The following GALNT15 variants were observed in gnomAD, a reference collection of about 807,000 sequenced individuals.
GALNT15 encodes the protein polypeptide N-acetylgalactosaminyltransferase 15.
GALNT15 carries 67 observed loss-of-function variants against 66.8 expected under a neutral mutation model. The observed-to-expected ratio is 1.00, with a 90% CI of 0.82 to 1.23. The LOEUF (loss-of-function observed/expected upper bound fraction) is 1.23. GALNT15 is among the 50% of genes most tolerant of loss of function. The probability of loss-of-function intolerance (pLI) is 0.00; values close to 1 mark genes in which losing one functional copy is unlikely to be tolerated. For synonymous variants in GALNT15, 313 were observed against 311.5 expected (o/e 1.00, Z -0.05); for missense variants, 827 against 804.3 (o/e 1.03, Z -0.34).
At chr3:16,213,515 T>A (rs1311096316) in intron 6 of GALNT15, among the ~76,000 whole-genome samples, 1 of 150,936 alleles carries the variant, frequency 6.6e-6, no homozygotes, top group Non-Finnish European at 1.5e-5. Flanking sequence ...TTTTAAACAT[T>A]TAAATGTCCA....
chr3:16,234,053 C>G (rs917670592), downstream of GALNT15, among the ~76,000 whole-genome samples: 2 of 152,150 alleles, frequency 1.3e-5, no homozygotes, highest in African/African-American at 4.8e-5. Flanking sequence ...CTGAAAACAG[C>G]CACATCTAAT....
In GALNT15 at chr3:16,175,695, G is replaced by C. The variant is rs746236023; in HGVS notation, c.539+5G>C. 6.4e-7 allele frequency: 1 copy of C among 1,560,106 alleles called. No homozygotes were observed. Among genetic ancestry groups the C allele is most frequent in the South Asian group, 1.2e-5 (1 of 84,796 alleles). ...GCCCGAGGTGCGGCACCCACTGTAAGTAAGGCCCTTGTTTTCCCTTCCCTG... is the reference window on the plus strand; with the variant it reads ...GCCCGAGGTGCGGCACCCACTGTAACTAAGGCCCTTGTTTTCCCTTCCCTG... On this transcript the variant is annotated splice_donor_5th_base_variant and intron_variant, in intron 1 of 9. Coordinates refer to ENST00000339732, the MANE Select transcript of GALNT15 (RefSeq NM_054110.5). This position sits in a 1 kb window ranked among gnomAD's most constrained non-coding sequence, Gnocchi z 5.6.
At chr3:16,201,911 G>T (rs934585623) in intron 3 of GALNT15, among the ~76,000 whole-genome samples, 11 of 152,208 alleles carry the variant, frequency 7.2e-5, no homozygotes, top group Non-Finnish European at 1.2e-4. Context: ...ACCACTTGGA[G>T]CTCATGTAGG....
Position 16,214,249 on chromosome 3 carries a change from G to A in GALNT15, c.1392+1486G>A, listed in dbSNP as rs142360343. Among the ~76,000 whole-genome samples, 401 of 152,252 alleles carry A rather than the reference G, an allele frequency of 2.6e-3. 2 individuals carry two copies. Among genetic ancestry groups the A allele is most frequent in the African/African-American group, 9.3e-3 (387 of 41,554 alleles). On this transcript the variant is annotated intron_variant, in intron 6 of 9. Transcript: ENST00000339732. ...TTCTTCTTTAGTCTCCTTCTCCATC[G>A]CCATCTGTGGGAAGTGGAAGCATGT... is the stretch of plus-strand genomic sequence containing the variant.
chr3:16,240,078 T>C, the GALNT15 span, among the ~76,000 whole-genome samples: 1 of 152,230 alleles, frequency 6.6e-6, no homozygotes, highest in African/African-American at 2.4e-5. Flanking sequence ...GGTAATGGCA[T>C]CTGGCCGATA....
chr3:16,240,849 A>G, the GALNT15 span, among the ~76,000 whole-genome samples: 10 of 152,230 alleles, frequency 6.6e-5, no homozygotes, highest in African/African-American at 2.2e-4. Context: ...CAGCCTGACT[A>G]CAAGTTCCTC....
chr3:16,212,231 GTC>G (rs1361276443), intron 5 of GALNT15, among the ~76,000 whole-genome samples: 1 of 151,870 alleles, frequency 6.6e-6, no homozygotes, highest in African/African-American at 2.4e-5. Context: ...CTGAGGAAGT[GTC>G]CTTTGGGGAA....
chr3:16,194,529 A>T (rs1430948910), intron 1 of GALNT15, among the ~76,000 whole-genome samples: 1 of 152,228 alleles, frequency 6.6e-6, no homozygotes, highest in African/African-American at 2.4e-5. Flanking sequence ...AGAAGTGCAC[A>T]TGTATGTTTG....
At chr3:16,223,466 C>T (rs898075001) in intron 9 of GALNT15, among the ~76,000 whole-genome samples, 1 of 152,160 alleles carries the variant, frequency 6.6e-6, no homozygotes, top group East Asian at 1.9e-4. Context: ...GAAATAAATA[C>T]ACACCTTTTA....
At chr3:16,198,542 T>C (rs1353829395) in intron 2 of GALNT15, among the ~76,000 whole-genome samples, 1 of 141,674 alleles carries the variant, frequency 7.1e-6, no homozygotes, top group African/African-American at 2.6e-5. Context: ...CATTTAGCAA[T>C]GTTAAAGCCA....
chr3:16,243,674 T>C, the GALNT15 span, among the ~76,000 whole-genome samples: 1 of 152,172 alleles, frequency 6.6e-6, no homozygotes, highest in Non-Finnish European at 1.5e-5. Flanking sequence ...TGGGAAAAGA[T>C]TGGGAAGCAT....
downstream of GALNT15, among the ~76,000 whole-genome samples, chr3:16,236,977 G>C (rs1299220709): frequency 1.3e-5 from 2 of 152,188 alleles, no homozygotes; most frequent in African/African-American, 4.8e-5. Context: ...TGTGCCAAGA[G>C]ATACAGTTTA....
chr3:16,244,816 T>G, the GALNT15 span, among the ~76,000 whole-genome samples: 1 of 151,804 alleles, frequency 6.6e-6, no homozygotes, highest in Non-Finnish European at 1.5e-5. Context: ...TCACCCAAAC[T>G]GAGGTCATAT....
chr3:16,246,105 C>T, the GALNT15 span, among the ~76,000 whole-genome samples: 1 of 152,104 alleles, frequency 6.6e-6, no homozygotes, highest in Non-Finnish European at 1.5e-5. Flanking sequence ...CCATCTTCCT[C>T]AGCTCAGAAG....
In GALNT15 at chr3:16,199,344, C is replaced by T. The variant is rs1224905414; in HGVS notation, c.707-1275C>T. The stretch of plus-strand genomic sequence containing the variant: ...CCCTTCCCCTATAGAATCAACCTTC[C>T]TAACCGTCTGGACTCTTGGTCTCAG... On this transcript the variant is annotated intron_variant, in intron 2 of 9. Coordinates refer to ENST00000339732, the MANE Select transcript of GALNT15 (RefSeq NM_054110.5). Among the ~76,000 whole-genome samples the T allele has an allele frequency of 7.0e-5, 10 of 142,164 alleles. 2 individuals are homozygous for T. The highest frequency in any genetic ancestry group is 3.6e-4 in the Admixed American group (5 of 13,936). 93.3% of individuals were successfully genotyped at this position (142,164 alleles called of 152,430 possible). A position where few individuals can be genotyped will look rare whatever the true frequency, so the allele number is the denominator to read the frequency against.
downstream of GALNT15, among the ~76,000 whole-genome samples, chr3:16,231,372 CCTT>C (rs1274518368): frequency 1.3e-5 from 2 of 152,180 alleles, no homozygotes; most frequent in African/African-American, 4.8e-5. This position sits in a 1 kb window ranked among gnomAD's most constrained non-coding sequence, Gnocchi z 4.1. Context: ...AGTTCCAACT[CCTT>C]CTTACATGAA....
At chr3:16,212,452 C>T in intron 5 of GALNT15, 117 bp from the exon 6 acceptor site, 1 of 891,510 alleles carries the variant, frequency 1.1e-6, no homozygotes, top group South Asian at 1.8e-5. Flanking sequence ...TCATCTTCAC[C>T]ATTGAGTGCT....
chr3:16,188,571 G>A lies in GALNT15; in HGVS notation c.540-7189G>A, dbSNP rs892835960. Among the ~76,000 whole-genome samples, 1 of 152,204 alleles carries A rather than the reference G, an allele frequency of 6.6e-6. No individual in the cohort carries two copies. Among genetic ancestry groups the A allele is most frequent in the African/African-American group, 2.4e-5 (1 of 41,436 alleles). ...TCACATCTCCCTGGCTGGTGTTTGA[G>A]CTTATGCTCCCTTCAAACCTGAACA... is the stretch of plus-strand genomic sequence containing the variant. On this transcript the variant is annotated intron_variant, in intron 1 of 9. Transcript: ENST00000339732. The surrounding 1 kb of genome is among the most constrained non-coding windows in gnomAD (Gnocchi z 4.6).
Position 16,175,655 on chromosome 3 carries a change from C to A in GALNT15, c.504C>A (p.Pro168=). The A allele has an allele frequency of 9.9e-6, 16 of 1,608,726 alleles. No homozygotes were observed. The highest frequency in any genetic ancestry group is 1.3e-5 in the Non-Finnish European group (15 of 1,177,608). Residue 168 remains proline, a synonymous_variant, in exon 1 of 10, where the codon CCC becomes CCA. Coordinates refer to ENST00000339732, the MANE Select transcript of GALNT15 (RefSeq NM_054110.5). This position sits in a 1 kb window ranked among gnomAD's most constrained non-coding sequence, Gnocchi z 5.6. ...AGGAGGCACTCAGTGCCCGCATCCC[C>A]CTCCAGAGGGCTCTGCCCGAGGTGC... The part of the protein sequence containing the change: ...GLQEALSARI[P]LQRALPEVRH...
Sources: gnomAD v4.1 joint callset for allele counts (sites outside exome capture counted in the v4.1 genomes callset) on GRCh38, gnomAD v4.1.1 for gene constraint, Gnocchi (gnomAD v3.1) non-coding constraint, MANE v1.5 for transcripts, NCBI Gene and HGNC (gene_info 2026-07-23, HGNC 2026-07-21) for gene names.